DACT3: variants seen among roughly 807,000 people sequenced by gnomAD.
DACT3 encodes the protein dapper homolog 3.
Under a neutral mutation model 19.6 loss-of-function variants are expected in DACT3, and 5 were observed. The observed-to-expected ratio is 0.26, with a 90% confidence interval of 0.13 to 0.54. The LOEUF (loss-of-function observed/expected upper bound fraction) is 0.54, where lower values mean the gene tolerates loss of function less well. Ranked by LOEUF, DACT3 falls within the 20% of genes least tolerant of loss-of-function variation. The pLI is 0.95. For missense variants in DACT3, 908 were observed against 927.4 expected (o/e 0.98, Z 0.27); for synonymous variants, 454 against 428.1 (o/e 1.06, Z -0.75).
chr19:46,656,511 G>A (rs971814652), intron 1 of DACT3, among the ~76,000 whole-genome samples: 1 of 151,890 alleles, frequency 6.6e-6, no homozygotes, highest in Non-Finnish European at 1.5e-5. Flanking sequence ...CCACACCCCC[G>A]CTAATCTTTG....
chr19:46,655,129 G>T, intron 1 of DACT3: 1 of 906,768 alleles, frequency 1.1e-6, no homozygotes, highest in Non-Finnish European at 1.3e-6. Context: ...CCTTGCCACC[G>T]TCCCTCGAAC....
Position 46,658,336 on chromosome 19 carries a change from T to A in DACT3, c.249+2480A>T. On this transcript the variant is annotated intron_variant, in intron 1 of 3. Transcript: ENST00000391916. ...CTTGAGGCCAAGTTAGAGGCTGCAG[T>A]GAGCTATGATCGTGCCACTGCACTT... Among the ~76,000 whole-genome samples the A allele has an allele frequency of 1.3e-5, 2 of 152,122 alleles. 1 individual carries two copies. The highest frequency in any genetic ancestry group is 2.9e-5 in the Non-Finnish European group (2 of 68,030).
chr19:46,657,849 C>A (rs1398112699), intron 1 of DACT3, among the ~76,000 whole-genome samples: 1 of 151,932 alleles, frequency 6.6e-6, no homozygotes, highest in Admixed American at 6.6e-5. Flanking sequence ...GCCAGGAATT[C>A]AAGACCAGCC....
chr19:46,653,192 A>C, intron 1 of DACT3, 117 bp from the exon 2 acceptor site: 2 of 1,442,502 alleles, frequency 1.4e-6, no homozygotes, highest in South Asian at 2.7e-5. Flanking sequence ...CTCGCTTCAA[A>C]GGATAAAAGC....
chr19:46,654,004 G>A (rs1035512311), intron 1 of DACT3: 1 of 985,376 alleles, frequency 1.0e-6, no homozygotes, highest in Non-Finnish European at 1.2e-6. Flanking sequence ...ACTCATAAAC[G>A]TCTTTGCTCT....
Position 46,660,699 on chromosome 19 carries a change from T to C in DACT3, c.249+117A>G, listed in dbSNP as rs1370239315. On this transcript the variant is annotated intron_variant, in intron 1 of 3. Transcript: ENST00000391916. The surrounding 1 kb of genome is among the most constrained non-coding windows in gnomAD (Gnocchi z 4.9). ...CCGGGGTCGCCAGCCCCACCCCCTG[T>C]CCTTTCTCACTCCCTGCCTACCCGG... 18 of 1,393,040 alleles carry C rather than the reference T, an allele frequency of 1.3e-5. No individual in the cohort carries two copies. Among genetic ancestry groups the C allele is most frequent in the South Asian group, 3.2e-5 (2 of 63,270 alleles). 86.3% of individuals were successfully genotyped at this position (1,393,040 alleles called of 1,614,324 possible).
intron 3 of DACT3, 45 bp downstream of exon 3, chr19:46,652,615 A>G: frequency 6.5e-7 from 1 of 1,541,350 alleles, no homozygotes; most frequent in Non-Finnish European, 8.7e-7. Flanking sequence ...CCATCCTCCT[A>G]CTGTCCTTTC....
intron 3 of DACT3, chr19:46,650,724 T>C (rs902104702): frequency 1.3e-5 from 2 of 152,038 alleles, no homozygotes; most frequent in African/African-American, 2.4e-5. Flanking sequence ...ACCCTTCTCC[T>C]CTACTTATAG....
chr19:46,654,111 A>G lies in DACT3; in HGVS notation c.250-1036T>C. On this transcript the variant is annotated intron_variant, in intron 1 of 3. Transcript: ENST00000391916. ...ATCCCAGCACGTTCCTTTGCCCTAG[A>G]GACCACATCCTCCTTCTGCCTTTGG... The G allele has an allele frequency of 3.0e-6, 3 of 985,380 alleles. No individual in the cohort carries two copies. The South Asian group carries it at 1.4e-4, about 46-fold the overall frequency. 61.0% of individuals were successfully genotyped at this position (985,380 alleles called of 1,614,324 possible).
In DACT3 at chr19:46,648,704, T is replaced by A; in HGVS notation, c.1668A>T (p.Glu556Asp). The change falls in exon 4 of 4, where the codon GAA (glutamate) becomes GAT (aspartate). Residue 556 changes from glutamate to aspartate, a missense_variant. By Grantham distance (45) the Glu-to-Asp change is conservative. Around this residue, in one of 2 missense-constraint regions of DACT3, gnomAD observed 656 missense variants for 601.8 expected, o/e 1.09. Coordinates refer to ENST00000391916, the MANE Select transcript of DACT3 (RefSeq NM_145056.3). The surrounding 1 kb of genome is among the most constrained non-coding windows in gnomAD (Gnocchi z 5.1). ...GESESSASEGESPAFSSASSD... is the reference protein window; with the variant it reads ...GESESSASEGDSPAFSSASSD... Reference sequence around the variant, plus strand: ...TGGAGGCAGAGCTGAAGGCAGGCGATTCTCCCTCGCTGGCGCTCGATTCGC... The same window carrying A: ...TGGAGGCAGAGCTGAAGGCAGGCGAATCTCCCTCGCTGGCGCTCGATTCGC... 1 of 1,609,160 alleles carries A rather than the reference T, an allele frequency of 6.2e-7. No individual in the cohort carries two copies. Among genetic ancestry groups the A allele is most frequent in the South Asian group, 1.1e-5 (1 of 91,032 alleles).
intron 1 of DACT3, chr19:46,659,296 G>A: frequency 3.1e-6 from 3 of 973,120 alleles, no homozygotes; most frequent in Non-Finnish European, 3.7e-6. Flanking sequence ...AGAGGGCTGA[G>A]GGGGAGGAGG....
chr19:46,660,064 A>C lies in DACT3; in HGVS notation c.249+752T>G, dbSNP rs943492766. On this transcript the variant is annotated intron_variant, in intron 1 of 3. Transcript: ENST00000391916. The surrounding 1 kb of genome is among the most constrained non-coding windows in gnomAD (Gnocchi z 4.9). ...AAGGGGAGAGGCATGGGGCGTCCTC[A>C]AGTCATTCCGGAGACCTCTGCCCAT... 6.6e-6 allele frequency among the ~76,000 whole-genome samples: 1 copy of C among 152,172 alleles called. No individual in the cohort carries two copies. The highest frequency in any genetic ancestry group is 2.1e-4 in the South Asian group (1 of 4,836).
rs2052951832 is a variant in DACT3 at position 46,649,142 on chromosome 19, C to T, written c.1230G>A (p.Ser410=). 5 of 1,259,966 alleles carry T rather than the reference C, an allele frequency of 4.0e-6. No individual in the cohort carries two copies. The highest frequency in any genetic ancestry group is 4.3e-5 in the Admixed American group (1 of 23,272). The allele number at this position is 1,259,966 out of a possible 1,614,324, so 78.0% of individuals were successfully genotyped here. A position where few individuals can be genotyped will look rare whatever the true frequency, so the allele number is the denominator to read the frequency against. ...GGGCCCTGGGCGAGCCGCGGCGGCC[C>T]GAAGCCTCGGCCATGCGTCCACGGC... ...AGRRGRMAEA[S]GRRGSPRARK... is the part of the protein sequence containing the mutation. The change falls in exon 4 of 4, where the codon TCG becomes TCA. Residue 410 remains serine (S), a synonymous_variant. Transcript: ENST00000391916.
chr19:46,650,127 ATT>A (rs58142251), intron 3 of DACT3: 31 of 96,136 alleles, frequency 3.2e-4, no homozygotes, highest in South Asian at 7.6e-4. Flanking sequence ...CTTACCCCCT[ATT>A]TTTTTTTTTT....
At position 46,649,370 on chromosome 19, in the gene DACT3, G is replaced by C; in HGVS notation, c.1002C>G (p.Pro334=). The C allele has an allele frequency of 1.6e-6, 2 of 1,268,994 alleles. No individual in the cohort carries two copies. Among genetic ancestry groups the C allele is most frequent in the African/African-American group, 1.6e-5 (1 of 63,120 alleles). 78.6% of individuals were successfully genotyped at this position (1,268,994 alleles called of 1,614,324 possible). Residue 334 remains proline (P), a synonymous_variant, in exon 4 of 4, where the codon CCC becomes CCG. Transcript: ENST00000391916. ...GGGCGGCGGGCGGCGCAGCGGGCTC[G>C]GGTGCCGCCTCCGACTCCCACGACG... ...WASSWESEAA[P]EPAAPPAAPS... is the part of the protein sequence containing the mutation.
intron 3 of DACT3, 185 bp from the exon 4 acceptor site, chr19:46,650,057 C>T: frequency 1.7e-6 from 1 of 590,082 alleles, no homozygotes; most frequent in Admixed American, 4.5e-5. Flanking sequence ...TTACAGGGTC[C>T]TACAAGACCC....
At chr19:46,658,934 C>G (rs535525331) in intron 1 of DACT3, among the ~76,000 whole-genome samples, 227 of 152,336 alleles carry the variant, frequency 1.5e-3, no homozygotes, top group African/African-American at 5.1e-3. Context: ...ATTCCTGCCT[C>G]TCTTCTCTGC....
Position 46,652,478 on chromosome 19 carries a change from C to T in DACT3, c.499+182G>A, listed in dbSNP as rs1199705058. 8 of 718,790 alleles carry T rather than the reference C, an allele frequency of 1.1e-5. No individual in the cohort carries two copies. The East Asian group carries it at 1.7e-4, about 15-fold the overall frequency. 44.5% of individuals were successfully genotyped at this position (718,790 alleles called of 1,614,324 possible). On this transcript the variant is annotated intron_variant, in intron 3 of 3. Coordinates refer to ENST00000391916, the MANE Select transcript of DACT3 (RefSeq NM_145056.3). ...ACAGGCGTGAGCCACCGCACCCAGC[C>T]ATATTTCATTTTAACAGATGGAAAA...
chr19:46,658,079 C>T (rs1160345430), intron 1 of DACT3, among the ~76,000 whole-genome samples: 1 of 151,736 alleles, frequency 6.6e-6, no homozygotes, highest in Non-Finnish European at 1.5e-5. Context: ...GGTGACAGAG[C>T]AAGATTCTGT....
Sources: allele counts gnomAD v4.1 joint callset (sites outside exome capture counted in the v4.1 genomes callset), GRCh38; gene constraint gnomAD v4.1.1; regional missense constraint gnomAD v4.1.1; non-coding constraint Gnocchi (gnomAD v3.1); transcripts MANE v1.5; gene names NCBI Gene and HGNC (gene_info 2026-07-23, HGNC 2026-07-21).